Variants in RPS6KC1 observed in about 807,000 individuals in gnomAD.
The protein encoded by RPS6KC1 is ribosomal protein S6 kinase C1, also known as inactive ribosomal protein S6 kinase delta-1.
RPS6KC1 carries 54 observed loss-of-function variants against 103.8 expected under a neutral mutation model. That is an observed-to-expected ratio of 0.52 (90% CI 0.42 to 0.65). The LOEUF is 0.65. RPS6KC1 is among the 30% of genes least tolerant of loss of function. The pLI, the probability that RPS6KC1 is intolerant of heterozygous loss-of-function variation, is 0.00. For missense variants in RPS6KC1, 1,151 were observed against 1,253.8 expected, an observed-to-expected ratio of 0.92 and a Z score of 1.24; for synonymous variants, 439 against 438.7, an observed-to-expected ratio of 1.00 and a Z score of -0.01.
At chr1:213,474,139 T>A in the RPS6KC1 span, among the ~76,000 whole-genome samples, 3 of 152,202 alleles carry the variant, frequency 2.0e-5, no homozygotes, top group Non-Finnish European at 2.9e-5. Flanking sequence ...TCCTTGGGCC[T>A]CTGACTAATT....
chr1:213,483,448 C>A, the RPS6KC1 span, among the ~76,000 whole-genome samples: 2 of 152,108 alleles, frequency 1.3e-5, no homozygotes, highest in Admixed American at 6.5e-5. Flanking sequence ...AAGTTTTGGA[C>A]ATAATAAAAA....
chr1:213,481,369 G>A, the RPS6KC1 span, among the ~76,000 whole-genome samples: 1 of 152,206 alleles, frequency 6.6e-6, no homozygotes, highest in Non-Finnish European at 1.5e-5. Flanking sequence ...ATGCAGGAAT[G>A]TAAAATAGAC....
the RPS6KC1 span, among the ~76,000 whole-genome samples, chr1:213,376,456 T>G: frequency 6.6e-6 from 1 of 152,002 alleles, no homozygotes; most frequent in African/African-American, 2.4e-5. Flanking sequence ...TCAGCTATCA[T>G]GAGTAATGCG....
At chr1:213,377,815 T>C in the RPS6KC1 span, among the ~76,000 whole-genome samples, 26 of 152,318 alleles carry the variant, frequency 1.7e-4, no homozygotes, top group Admixed American at 1.6e-3. Flanking sequence ...CAGCTGAATA[T>C]GTTTCTTACC....
chr1:213,065,925 C>T lies in RPS6KC1; in HGVS notation c.106-5081C>T, dbSNP rs373837752. Among the ~76,000 whole-genome samples the T allele has an allele frequency of 1.6e-4, 24 of 152,208 alleles. No individual in the cohort carries two copies. The South Asian group carries it at 4.4e-3, about 28-fold the overall frequency. ...AGCAGTAGACCAGGAGTCAGACAGT[C>T]GAGGATCTCATTCTAAATTTGAAGG... On this transcript the variant is annotated intron_variant, in intron 1 of 14. Coordinates refer to ENST00000366960, the MANE Select transcript of RPS6KC1 (RefSeq NM_012424.6).
the RPS6KC1 span, among the ~76,000 whole-genome samples, chr1:213,605,587 G>A: frequency 6.6e-6 from 1 of 152,178 alleles, no homozygotes; most frequent in Non-Finnish European, 1.5e-5. Flanking sequence ...TGCACTATCT[G>A]TTTACATGTC....
the RPS6KC1 span, among the ~76,000 whole-genome samples, chr1:213,700,478 C>T: frequency 6.6e-6 from 1 of 151,536 alleles, no homozygotes; most frequent in Middle Eastern, 3.2e-3. Flanking sequence ...GTAATGTGAT[C>T]CCTACACGTT....
chr1:213,609,235 T>C, the RPS6KC1 span, among the ~76,000 whole-genome samples: 1 of 152,230 alleles, frequency 6.6e-6, no homozygotes, highest in East Asian at 1.9e-4. Context: ...TGAAATACTT[T>C]CTATTCTTAC....
the RPS6KC1 span, among the ~76,000 whole-genome samples, chr1:213,352,375 T>C: frequency 6.6e-6 from 1 of 152,210 alleles, no homozygotes; most frequent in African/African-American, 2.4e-5. Flanking sequence ...AAATTATTAA[T>C]TGAAACATGC....
chr1:213,669,101 T>C, the RPS6KC1 span, among the ~76,000 whole-genome samples: 2 of 152,258 alleles, frequency 1.3e-5, no homozygotes, highest in Non-Finnish European at 2.9e-5. Flanking sequence ...AGTTGTGCTT[T>C]TAATTTCCTT....
At chr1:213,857,719 C>T in the RPS6KC1 span, among the ~76,000 whole-genome samples, 86 of 152,316 alleles carry the variant, frequency 5.6e-4, no homozygotes, top group Middle Eastern at 3.4e-3. Context: ...CCACTGTACT[C>T]CCTCAGTGTC....
chr1:213,522,928 A>G, the RPS6KC1 span, among the ~76,000 whole-genome samples: 1 of 152,320 alleles, frequency 6.6e-6, no homozygotes, highest in East Asian at 1.9e-4. Flanking sequence ...AATTTCCTTC[A>G]AGAGTTATTC....
intron 4 of RPS6KC1, among the ~76,000 whole-genome samples, chr1:213,114,103 A>T (rs1463280098): frequency 1.3e-5 from 2 of 152,018 alleles, no homozygotes; most frequent in African/African-American, 4.8e-5. Flanking sequence ...GAAGAAAGTC[A>T]TTGGTAGCTT....
intron 3 of RPS6KC1, among the ~76,000 whole-genome samples, chr1:213,098,178 C>T (rs929672408): frequency 2.6e-5 from 4 of 152,024 alleles, no homozygotes; most frequent in Admixed American, 1.3e-4. Flanking sequence ...TGTAGTGATG[C>T]GATCATGGCT....
chr1:213,436,564 T>C, the RPS6KC1 span, among the ~76,000 whole-genome samples: 2 of 152,314 alleles, frequency 1.3e-5, no homozygotes, highest in African/African-American at 2.4e-5. Flanking sequence ...GGGATATTGA[T>C]TGGAATGCGT....
At position 213,218,227 on chromosome 1, in the gene RPS6KC1, A is replaced by G. The variant is rs559230350; in HGVS notation, c.1045-12270A>G. Among the ~76,000 whole-genome samples the G allele has an allele frequency of 3.5e-4, 53 of 152,178 alleles. 1 individual carries two copies. Among genetic ancestry groups the G allele is most frequent in the African/African-American group, 7.0e-4 (29 of 41,516 alleles). On this transcript the variant is annotated intron_variant, in intron 8 of 14. Coordinates refer to ENST00000366960, the MANE Select transcript of RPS6KC1 (RefSeq NM_012424.6). The stretch of plus-strand genomic sequence containing the variant: ...AAATCACAAGCATTCTTATACACCA[A>G]TAACAGACGGAGAGCCAAATCATGA...
the RPS6KC1 span, among the ~76,000 whole-genome samples, chr1:213,534,410 G>C: frequency 6.6e-6 from 1 of 152,170 alleles, no homozygotes; most frequent in Non-Finnish European, 1.5e-5. Context: ...CACCCGCTTG[G>C]TGTTCATCCT....
chr1:213,407,940 A>G, the RPS6KC1 span, among the ~76,000 whole-genome samples: 14 of 152,204 alleles, frequency 9.2e-5, no homozygotes, highest in Non-Finnish European at 1.8e-4. Context: ...CCCTTAGAGT[A>G]CAGCCTGACA....
Position 213,241,327 on chromosome 1 carries a change from T to G in RPS6KC1, c.1851T>G (p.Phe617Leu). 2 of 1,613,990 alleles carry G rather than the reference T, an allele frequency of 1.2e-6. No individual in the cohort carries two copies. Among genetic ancestry groups the G allele is most frequent in the Non-Finnish European group, 1.7e-6 (2 of 1,179,940 alleles). Residue 617 changes from phenylalanine to leucine, a missense_variant, in exon 11 of 15, where the codon TTT becomes TTG. This residue lies in a region of RPS6KC1 where 959 missense variants were observed against 1,006.3 expected (regional missense o/e 0.95). Coordinates refer to ENST00000366960, the MANE Select transcript of RPS6KC1 (RefSeq NM_012424.6). ...CAAGTGAACTCCTGGGACTTGACTT[T>G]GGAGAAAAATTGTATAGTCTAAAAT... ...DSASELLGLDFGEKLYSLKSE... is the reference protein window; with the variant it reads ...DSASELLGLDLGEKLYSLKSE...
Sources: allele counts gnomAD v4.1 joint callset (sites outside exome capture counted in the v4.1 genomes callset), GRCh38; gene constraint gnomAD v4.1.1; regional missense constraint gnomAD v4.1.1; transcripts MANE v1.5; gene names NCBI Gene and HGNC (gene_info 2026-07-23, HGNC 2026-07-21).